ADAM11: variants seen among roughly 807,000 people sequenced by gnomAD.
The protein encoded by ADAM11 is disintegrin and metalloproteinase domain-containing protein 11.
Under a neutral mutation model 119.1 loss-of-function variants are expected in ADAM11, and 49 were observed. The ratio of observed to expected loss-of-function variants is 0.41; its 90% CI spans 0.33 to 0.52. The LOEUF is 0.52. ADAM11 is among the 20% of genes least tolerant of loss of function. The pLI is 0.20. For synonymous variants in ADAM11, 364 were observed against 408.0 expected, an observed-to-expected ratio of 0.89 and a Z score of 1.30; for missense variants, 777 against 1,047.5, an observed-to-expected ratio of 0.74 and a Z score of 3.56.
At position 44,777,354 on chromosome 17, in the gene ADAM11, G is replaced by A. The variant is rs1394095756; in HGVS notation, c.1781+89G>A. The A allele has an allele frequency of 1.2e-5, 18 of 1,532,118 alleles. No individual in the cohort carries two copies. Among genetic ancestry groups the A allele is most frequent in the Non-Finnish European group, 1.6e-5 (18 of 1,119,816 alleles). The allele number at this position is 1,532,118 out of a possible 1,614,324, so 94.9% of individuals were successfully genotyped here. Reference sequence around the variant, plus strand: ...GGGGCAGCAGGTTCTCCCAGGAGGAGCCTGTCAGTCCCAATGGGCGGGCAC... The same window carrying A: ...GGGGCAGCAGGTTCTCCCAGGAGGAACCTGTCAGTCCCAATGGGCGGGCAC... On this transcript the variant is annotated intron_variant, in intron 21 of 26. Coordinates refer to ENST00000200557, the MANE Select transcript of ADAM11 (RefSeq NM_002390.6). The surrounding 1 kb of genome is among the most constrained non-coding windows in gnomAD (Gnocchi z 5.1).
At position 44,772,427 on chromosome 17, in the gene ADAM11, G is replaced by A. The variant is rs369223363; in HGVS notation, c.639G>A (p.Ser213=). The A allele has an allele frequency of 4.4e-5, 69 of 1,577,748 alleles. No homozygotes were observed. In the Middle Eastern group the frequency reaches 8.7e-4, roughly 20 times the overall value. The change falls in exon 8 of 27, where the codon TCG becomes TCA. Residue 213 remains serine (S), a synonymous_variant. Transcript: ENST00000200557. The surrounding 1 kb of genome is among the most constrained non-coding windows in gnomAD (Gnocchi z 4.5). ...GCCTGTTTGCTGTGCCTGCCCAGTC[G>A]GCTCCTCCAAACCGGCCGAGGCTGA... ...PGCLFAVPAQ[S]APPNRPRLRR...
chr17:44,778,841 C>G (rs760126403), intron 25 of ADAM11, among the ~76,000 whole-genome samples: 2 of 152,078 alleles, frequency 1.3e-5, no homozygotes, highest in African/African-American at 2.4e-5. Context: ...CCCCAAATAG[C>G]CACAGAGTGG....
chr17:44,777,022 G>C lies in ADAM11; in HGVS notation c.1681+60G>C. 1 of 1,579,380 alleles carries C rather than the reference G, an allele frequency of 6.3e-7. No homozygotes were observed. Among genetic ancestry groups the C allele is most frequent in the East Asian group, 2.3e-5 (1 of 44,264 alleles). On this transcript the variant is annotated intron_variant, in intron 20 of 26. Coordinates refer to ENST00000200557, the MANE Select transcript of ADAM11 (RefSeq NM_002390.6). This position sits in a 1 kb window ranked among gnomAD's most constrained non-coding sequence, Gnocchi z 5.1. ...GAGGACCCAGAGCTGAGAAGCTGGGGAGAGTGGGTTCCAGCTGAACAGGCC... is the reference window on the plus strand; with the variant it reads ...GAGGACCCAGAGCTGAGAAGCTGGGCAGAGTGGGTTCCAGCTGAACAGGCC...
Position 44,780,111 on chromosome 17 carries a change from C to T in ADAM11, c.*357C>T, listed in dbSNP as rs1348300846. ...CCACCAGTGGACCTAGCCTGGATGGCCCCTCCTTGCAACCAGGCAGCTGAG... is the reference window on the plus strand; with the variant it reads ...CCACCAGTGGACCTAGCCTGGATGGTCCCTCCTTGCAACCAGGCAGCTGAG... On this transcript the variant is annotated 3_prime_UTR_variant, in exon 27 of 27. Transcript: ENST00000200557. The T allele has an allele frequency of 1.6e-6, 1 of 624,730 alleles. No homozygotes were observed. Among genetic ancestry groups the T allele is most frequent in the South Asian group, 1.5e-5 (1 of 66,080 alleles). The allele number at this position is 624,730 out of a possible 1,614,324, so 38.7% of individuals were successfully genotyped here.
chr17:44,778,299 C>A, intron 25 of ADAM11, 57 bp downstream of exon 25: 1 of 1,530,168 alleles, frequency 6.5e-7, no homozygotes, highest in East Asian at 2.4e-5. Context: ...ATCAGAATCC[C>A]TACTGGTGGA....
chr17:44,779,688 TC>T, intron 26 of ADAM11, 50 bp from the exon 27 acceptor site: 1 of 1,564,052 alleles, frequency 6.4e-7, no homozygotes. Flanking sequence ...TGGGGGGCTC[TC>T]CCCGTGGCCC....
chr17:44,761,355 C>G (rs2049387267), intron 2 of ADAM11, among the ~76,000 whole-genome samples: 2 of 152,156 alleles, frequency 1.3e-5, no homozygotes, highest in Admixed American at 1.3e-4. Flanking sequence ...CAGGTTGCTC[C>G]TTCAGCCTGA....
intron 25 of ADAM11, among the ~76,000 whole-genome samples, 176 bp downstream of exon 25, chr17:44,778,418 G>A (rs1446841780): frequency 6.6e-6 from 1 of 152,156 alleles, no homozygotes; most frequent in Non-Finnish European, 1.5e-5. Flanking sequence ...TAGGCTAGAT[G>A]AGGTGGCTCA....
rs147994551 is a variant in ADAM11, at chr17:44,765,439, C to G, written c.238-4279C>G. ...ATAAGGCTACCATTCTGGCATGTCC[C>G]TGTCACAGTAGGTGATCCAAAGGAG... On this transcript the variant is annotated intron_variant, in intron 2 of 26. Coordinates refer to ENST00000200557, the MANE Select transcript of ADAM11 (RefSeq NM_002390.6). Among the ~76,000 whole-genome samples, 4 of 152,272 alleles carry G rather than the reference C, an allele frequency of 2.6e-5. No homozygotes were observed. The East Asian group carries it at 7.7e-4, about 29-fold the overall frequency.
rs192899867 is a variant in ADAM11, at chr17:44,765,661, C to T, written c.238-4057C>T. On this transcript the variant is annotated intron_variant, in intron 2 of 26. Transcript: ENST00000200557. ...AGAGACAGAGTGTTTTGCTGTGTTG[C>T]CCAGGCTGGAGTGCAGTGGCACGAT... 8.7e-3 allele frequency among the ~76,000 whole-genome samples: 903 copies of T among 103,722 alleles called. 5 individuals are homozygous for T. Among genetic ancestry groups the T allele is most frequent in the Admixed American group, 0.014 (89 of 6,526 alleles). The allele number at this position is 103,722 out of a possible 152,430, so 68.0% of individuals were successfully genotyped here. A position where few individuals can be genotyped will look rare whatever the true frequency, so the allele number is the denominator to read the frequency against.
In ADAM11 at chr17:44,773,383, A is replaced by G. The variant is rs762340386; in HGVS notation, c.948A>G (p.Arg316=). The G allele has an allele frequency of 6.2e-7, 1 of 1,613,860 alleles. No homozygotes were observed. The highest frequency in any genetic ancestry group is 8.5e-7 in the Non-Finnish European group (1 of 1,179,954). Reference sequence around the variant, plus strand: ...CCCTGGCCCGGCTCATGGTCTACCGACGGGAGGGTCTGCCTGAGCCCAGTG... The same window carrying G: ...CCCTGGCCCGGCTCATGGTCTACCGGCGGGAGGGTCTGCCTGAGCCCAGTG... ...LETLARLMVY[R]REGLPEPSDA... is the part of the protein sequence containing the mutation. The change falls in exon 11 of 27, where the codon CGA becomes CGG. Residue 316 remains arginine (R), a synonymous_variant. Coordinates refer to ENST00000200557, the MANE Select transcript of ADAM11 (RefSeq NM_002390.6). This position sits in a 1 kb window ranked among gnomAD's most constrained non-coding sequence, Gnocchi z 4.6.
rs1408357552 is a variant in ADAM11, at chr17:44,773,804, C to A, written c.992+377C>A. Among the ~76,000 whole-genome samples, 3 of 152,186 alleles carry A rather than the reference C, an allele frequency of 2.0e-5. No homozygotes were observed. Among genetic ancestry groups the A allele is most frequent in the Non-Finnish European group, 2.9e-5 (2 of 68,028 alleles). Reference sequence around the variant, plus strand: ...CTCCTTTGCCTTATGGGCAAAAGAACCCAAGGAGGGGCCAGGCGTGGTGGC... The same window carrying A: ...CTCCTTTGCCTTATGGGCAAAAGAAACCAAGGAGGGGCCAGGCGTGGTGGC... On this transcript the variant is annotated intron_variant, in intron 11 of 26. Transcript: ENST00000200557. The surrounding 1 kb of genome is among the most constrained non-coding windows in gnomAD (Gnocchi z 4.6).
chr17:44,771,480 C>A, intron 4 of ADAM11, 104 bp from the exon 5 acceptor site: 1 of 1,171,824 alleles, frequency 8.5e-7, no homozygotes, highest in Non-Finnish European at 1.2e-6. Context: ...GGGATTGTGG[C>A]CACCTGCACA....
chr17:44,775,842 T>G lies in ADAM11; in HGVS notation c.1485+166T>G, dbSNP rs2049593767. On this transcript the variant is annotated intron_variant, in intron 17 of 26. Coordinates refer to ENST00000200557, the MANE Select transcript of ADAM11 (RefSeq NM_002390.6). This position sits in a 1 kb window ranked among gnomAD's most constrained non-coding sequence, Gnocchi z 7.5. ...GCCAATGGGGAGCAAGGGGCGGGGC[T>G]GAAGGATGTTGAAGGCGGGGCTACG... Among the ~76,000 whole-genome samples, 1 of 146,236 alleles carries G rather than the reference T, an allele frequency of 6.8e-6. No individual in the cohort carries two copies. The highest frequency in any genetic ancestry group is 2.6e-5 in the African/African-American group (1 of 38,808).
In ADAM11 at chr17:44,780,726, G is replaced by T. The variant is rs2049681969; in HGVS notation, c.*972G>T. The T allele has an allele frequency of 6.4e-6, 1 of 156,652 alleles. No individual in the cohort carries two copies. Among genetic ancestry groups the T allele is most frequent in the African/African-American group, 2.4e-5 (1 of 41,442 alleles). The allele number at this position is 156,652 out of a possible 1,614,324, so 9.7% of individuals were successfully genotyped here. ...CTCTCCCAGGTAGGGAAGGCCAGAG[G>T]TGGCCCAGTGCCTGGAGGGTTAGGG... On this transcript the variant is annotated 3_prime_UTR_variant, in exon 27 of 27. Transcript: ENST00000200557.
In ADAM11 at chr17:44,776,144, G is replaced by C. The variant is rs1273159929; in HGVS notation, c.1503G>C (p.Val501=). ...TTCCCTAGTACGAACCACGGGGTGT[G>C]TCCTGCCGAGAGGCCGTGAACGAGT... ...CRRCKYEPRG[V]SCREAVNECD... Residue 501 remains valine (V), a synonymous_variant, in exon 18 of 27, where the codon GTG becomes GTC. Transcript: ENST00000200557. This position sits in a 1 kb window ranked among gnomAD's most constrained non-coding sequence, Gnocchi z 5.2. 1 of 1,613,724 alleles carries C rather than the reference G, an allele frequency of 6.2e-7. No homozygotes were observed. Among genetic ancestry groups the C allele is most frequent in the East Asian group, 2.2e-5 (1 of 44,874 alleles).
intron 2 of ADAM11, among the ~76,000 whole-genome samples, chr17:44,768,630 C>T (rs376283649): frequency 6.6e-6 from 1 of 152,146 alleles, no homozygotes; most frequent in African/African-American, 2.4e-5. Flanking sequence ...GTGTTTAGAC[C>T]AGGGCCCGGC....
At chr17:44,770,177 TC>T (rs1162322350) in intron 4 of ADAM11, 129 bp downstream of exon 4, 1 of 1,113,738 alleles carries the variant, frequency 9.0e-7, no homozygotes. Context: ...CTCAGCACCT[TC>T]CCTCTCTCCC....
intron 2 of ADAM11, among the ~76,000 whole-genome samples, chr17:44,765,193 G>A (rs1245816398): frequency 2.0e-5 from 3 of 151,222 alleles, no homozygotes; most frequent in Non-Finnish European, 3.0e-5. Flanking sequence ...ACACATTGCC[G>A]GGGGTGGGTG....
Sources: gnomAD v4.1 joint callset for allele counts (sites outside exome capture counted in the v4.1 genomes callset) on GRCh38, gnomAD v4.1.1 for gene constraint, Gnocchi (gnomAD v3.1) non-coding constraint, MANE v1.5 for transcripts, NCBI Gene and HGNC (gene_info 2026-07-23, HGNC 2026-07-21) for gene names.